The following BTBD10 variants were observed in gnomAD, a reference collection of about 807,000 sequenced individuals.
The protein encoded by BTBD10 is BTB domain containing 10.
A neutral mutation model predicts 53.2 loss-of-function variants in BTBD10; 21 were observed. The ratio of observed to expected loss-of-function variants is 0.39; its 90% CI spans 0.28 to 0.57. The LOEUF is 0.57. Ranked by LOEUF, BTBD10 falls within the 20% of genes least tolerant of loss-of-function variation. The pLI, the probability that BTBD10 is intolerant of heterozygous loss-of-function variation, is 0.53. For missense variants in BTBD10, 360 were observed against 594.7 expected, an observed-to-expected ratio of 0.61 and a Z score of 4.10; for synonymous variants, 149 against 192.7, an observed-to-expected ratio of 0.77 and a Z score of 1.88.
intron 2 of BTBD10, among the ~76,000 whole-genome samples, chr11:13,422,156 C>T (rs1002710671): frequency 3.3e-5 from 5 of 152,090 alleles, no homozygotes; most frequent in Non-Finnish European, 5.9e-5. Flanking sequence ...AAATGTTATT[C>T]AGATGTTCTT....
chr11:13,428,963 T>C (rs1591141834), intron 2 of BTBD10, among the ~76,000 whole-genome samples: 1 of 152,170 alleles, frequency 6.6e-6, no homozygotes, highest in East Asian at 1.9e-4. Flanking sequence ...TTTATTTCTA[T>C]ATACCAACAA....
intron 1 of BTBD10, among the ~76,000 whole-genome samples, chr11:13,460,036 G>C (rs1654788000): frequency 2.0e-5 from 3 of 152,250 alleles, no homozygotes; most frequent in Non-Finnish European, 4.4e-5. Context: ...TCTTCAACAG[G>C]AGCACCTCAC....
chr11:13,423,955 C>T lies in BTBD10; in HGVS notation c.102-2117G>A, dbSNP rs543023115. Among the ~76,000 whole-genome samples, 10 of 152,194 alleles carry T rather than the reference C, an allele frequency of 6.6e-5. No homozygotes were observed. In the South Asian group the frequency reaches 8.3e-4, roughly 13 times the overall value. On this transcript the variant is annotated intron_variant, in intron 2 of 8. Transcript: ENST00000278174. ...GTGAAAAAAAATTAGAGGACAGCTG[C>T]ATCAATAGAACATAATCTTTTCTTT... is the stretch of plus-strand genomic sequence containing the variant.
At chr11:13,444,975 T>C in intron 2 of BTBD10, 49 bp downstream of exon 2, 2 of 1,427,500 alleles carry the variant, frequency 1.4e-6, no homozygotes, top group Non-Finnish European at 2.0e-6. Context: ...TTCTTTACAA[T>C]CAGTTTTTAG....
chr11:13,396,080 T>C (rs1460182315), intron 8 of BTBD10, among the ~76,000 whole-genome samples: 3 of 152,112 alleles, frequency 2.0e-5, no homozygotes, highest in Non-Finnish European at 2.9e-5. Context: ...GTGAAGAAAG[T>C]CATTGGTAGC....
chr11:13,440,245 G>T, intron 2 of BTBD10: 1 of 1,268,414 alleles, frequency 7.9e-7, no homozygotes, highest in South Asian at 1.6e-5. Flanking sequence ...CGTGGGTTGT[G>T]CAGCACTGAC....
At chr11:13,427,136 G>A (rs1308567899) in intron 2 of BTBD10, among the ~76,000 whole-genome samples, 1 of 152,156 alleles carries the variant, frequency 6.6e-6, no homozygotes, top group African/African-American at 2.4e-5. Flanking sequence ...AGGATCACTT[G>A]AGCCTCGGAG....
intron 8 of BTBD10, among the ~76,000 whole-genome samples, chr11:13,402,840 C>G (rs1210160131): frequency 6.6e-6 from 1 of 152,136 alleles, no homozygotes; most frequent in African/African-American, 2.4e-5. Context: ...AAAGCCCTGC[C>G]AATCCTATGG....
chr11:13,429,584 A>G (rs1950409599), intron 2 of BTBD10, among the ~76,000 whole-genome samples: 1 of 152,060 alleles, frequency 6.6e-6, no homozygotes, highest in East Asian at 1.9e-4. Context: ...AAATGAATAT[A>G]CAATAGGTAT....
chr11:13,391,836 C>G (rs11022787), intron 8 of BTBD10, among the ~76,000 whole-genome samples: 81 of 152,126 alleles, frequency 5.3e-4, no homozygotes, highest in African/African-American at 1.8e-3. Flanking sequence ...CCCAGCTACT[C>G]GGGAGGCTGA....
At chr11:13,435,539 C>A (rs1436392958) in intron 2 of BTBD10, among the ~76,000 whole-genome samples, 3 of 152,186 alleles carry the variant, frequency 2.0e-5, no homozygotes, top group African/African-American at 7.2e-5. Context: ...GTCGCCCAGG[C>A]TGGAGTGCAG....
At chr11:13,411,111 C>T (rs911642493) in intron 6 of BTBD10, among the ~76,000 whole-genome samples, 11 of 152,096 alleles carry the variant, frequency 7.2e-5, no homozygotes, top group Admixed American at 1.3e-4. Flanking sequence ...GTCCTAAAAA[C>T]GCACAAGGGA....
At chr11:13,429,822 G>A (rs1346331976) in intron 2 of BTBD10, among the ~76,000 whole-genome samples, 2 of 152,202 alleles carry the variant, frequency 1.3e-5, no homozygotes, top group Non-Finnish European at 2.9e-5. Flanking sequence ...AATGAAAAGA[G>A]GCTGTGCGCA....
intron 6 of BTBD10, among the ~76,000 whole-genome samples, chr11:13,406,641 T>TC (rs1949839119): frequency 1.2e-5 from 1 of 85,564 alleles, no homozygotes; most frequent in Non-Finnish European, 2.7e-5. Context: ...GTGTGTGTGT[T>TC]TGTGTGTGTG....
chr11:13,440,814 T>C (rs964348278), intron 2 of BTBD10, among the ~76,000 whole-genome samples: 5 of 152,200 alleles, frequency 3.3e-5, no homozygotes, highest in African/African-American at 1.2e-4. Context: ...CCAATTCAAA[T>C]ATTTAAGAGC....
Position 13,426,469 on chromosome 11 carries a change from A to G in BTBD10, c.102-4631T>C, listed in dbSNP as rs1049647228. The stretch of plus-strand genomic sequence containing the variant: ...AAAAAGTAACTGCATGGAAGAATAT[A>G]ATTTTTTTCTAATTGTTTAAATCTC... On this transcript the variant is annotated intron_variant, in intron 2 of 8. Coordinates refer to ENST00000278174, the MANE Select transcript of BTBD10 (RefSeq NM_032320.7). 2.0e-5 allele frequency among the ~76,000 whole-genome samples: 3 copies of G among 152,096 alleles called. No homozygotes were observed. In the South Asian group the frequency reaches 6.2e-4, roughly 32 times the overall value.
chr11:13,439,995 G>A (rs926482154), intron 2 of BTBD10: 6 of 1,534,486 alleles, frequency 3.9e-6, no homozygotes, highest in Admixed American at 3.9e-5. Flanking sequence ...AGCCAGGTCA[G>A]CATCCTTGGG....
At chr11:13,420,430 A>G (rs1367747342) in intron 3 of BTBD10, among the ~76,000 whole-genome samples, 2 of 152,130 alleles carry the variant, frequency 1.3e-5, no homozygotes, top group Admixed American at 6.5e-5. Flanking sequence ...TTTATGATCT[A>G]TAATTACAGT....
chr11:13,388,392 T>C lies in BTBD10; in HGVS notation c.*439A>G, dbSNP rs1949309799. 1 of 157,606 alleles carries C rather than the reference T, an allele frequency of 6.3e-6. No individual in the cohort carries two copies. Among genetic ancestry groups the C allele is most frequent in the South Asian group, 1.9e-4 (1 of 5,266 alleles). The allele number at this position is 157,606 out of a possible 1,614,324, so 9.8% of individuals were successfully genotyped here. On this transcript the variant is annotated 3_prime_UTR_variant, in exon 9 of 9. Coordinates refer to ENST00000278174, the MANE Select transcript of BTBD10 (RefSeq NM_032320.7). ...CTTTGACAGAAGCACTTAAATTATA[T>C]TGTGCATCACAACTATAAAATGGCT...
Sources: allele counts gnomAD v4.1 joint callset (sites outside exome capture counted in the v4.1 genomes callset), GRCh38; gene constraint gnomAD v4.1.1; transcripts MANE v1.5; gene names NCBI Gene and HGNC (gene_info 2026-07-23, HGNC 2026-07-21).